PCDHGA5: variants seen among roughly 807,000 people sequenced by gnomAD.
PCDHGA5 encodes protocadherin gamma-A5.
In PCDHGA5, 36 loss-of-function variants were observed where a neutral mutation model predicts 56.7. The observed-to-expected ratio is 0.64, with a 90% CI of 0.49 to 0.84. The LOEUF (loss-of-function observed/expected upper bound fraction) is 0.84, where lower values mean the gene tolerates loss of function less well. Among genes scored for constraint, PCDHGA5 ranks in the 40% least tolerant of loss-of-function variants. The probability of loss-of-function intolerance (pLI) is 0.00; values close to 1 mark genes in which losing one functional copy is unlikely to be tolerated. For missense variants in PCDHGA5, 1,305 were observed against 1,201.5 expected (o/e 1.09, Z -1.27); for synonymous variants, 563 against 520.2 (o/e 1.08, Z -1.12).
chr5:141,370,717 T>C, intron 1 of PCDHGA5: 4 of 1,613,822 alleles, frequency 2.5e-6, no homozygotes, highest in Non-Finnish European at 3.4e-6. Flanking sequence ...GAATTTGAAA[T>C]GGTTGCTGAA....
At position 141,486,778 on chromosome 5, in the gene PCDHGA5, G is replaced by A. The variant is rs750169906; in HGVS notation, c.2422-8029G>A. The A allele has an allele frequency of 1.2e-6, 2 of 1,614,104 alleles. No individual in the cohort carries two copies. Among genetic ancestry groups the A allele is most frequent in the Admixed American group, 1.7e-5 (1 of 60,006 alleles). ...AAACCCAGACACTGCAGTTTGAGGT[G>A]CAGGCCCGGGATCGGGGCAACCCAC... is the stretch of plus-strand genomic sequence containing the variant. On this transcript the variant is annotated intron_variant, in intron 1 of 3. Coordinates refer to ENST00000518069, the MANE Select transcript of PCDHGA5 (RefSeq NM_018918.3). This position sits in a 1 kb window ranked among gnomAD's most constrained non-coding sequence, Gnocchi z 5.0.
chr5:141,419,705 C>A, intron 1 of PCDHGA5: 1 of 1,613,038 alleles, frequency 6.2e-7, no homozygotes, highest in South Asian at 1.1e-5. Flanking sequence ...TGAGCCCGGG[C>A]TCTTCAGCCT....
intron 1 of PCDHGA5, chr5:141,370,671 G>T (rs1767112872): frequency 2.5e-6 from 4 of 1,613,888 alleles, no homozygotes; most frequent in Non-Finnish European, 3.4e-6. Context: ...TATAGACCGA[G>T]AGGAGATTTG....
chr5:141,472,850 G>A (rs1230517294), intron 1 of PCDHGA5, among the ~76,000 whole-genome samples: 1 of 151,876 alleles, frequency 6.6e-6, no homozygotes, highest in Admixed American at 6.6e-5. Flanking sequence ...GCTGGGCATG[G>A]TGGCACATGC....
In PCDHGA5 at chr5:141,487,598, C is replaced by T. The variant is rs1450685717; in HGVS notation, c.2422-7209C>T. 6.2e-7 allele frequency: 1 copy of T among 1,614,210 alleles called. No homozygotes were observed. The highest frequency in any genetic ancestry group is 8.5e-7 in the Non-Finnish European group (1 of 1,180,046). ...TCGCCCAAGCTGCCCACCCTCTGAT[C>T]TTCTCTATGGGCTAGAGGTGAGACC... is the stretch of plus-strand genomic sequence containing the variant. On this transcript the variant is annotated intron_variant, in intron 1 of 3. Transcript: ENST00000518069. The surrounding 1 kb of genome is among the most constrained non-coding windows in gnomAD (Gnocchi z 5.0).
intron 1 of PCDHGA5, chr5:141,410,849 CTTTTTTTTTTTTTT>C (rs759346998): frequency 7.7e-6 from 1 of 129,786 alleles, no homozygotes; most frequent in African/African-American, 6.0e-5. Context: ...TTGTCTTTGT[CTTTTTTTTTTTTTT>C]TTTTTTTTGA....
intron 1 of PCDHGA5, among the ~76,000 whole-genome samples, chr5:141,452,648 GCTCCATCCACTGCA>G (rs2098746292): frequency 6.6e-6 from 1 of 151,930 alleles, no homozygotes; most frequent in African/African-American, 2.4e-5. Flanking sequence ...TTACTCATTT[GCTCCATCCACTGCA>G]CTCCAGCCTA....
In PCDHGA5 at chr5:141,488,647, T is replaced by TG. The variant is rs535492979; in HGVS notation, c.2422-6155dup. ...CTCACCTTAGCAGCATTCAGCAGGA[T>TG]GGGGGAGGGTGGGGGAATACATGGG... On this transcript the variant is annotated intron_variant, in intron 1 of 3. Transcript: ENST00000518069. Among the ~76,000 whole-genome samples, 173 of 152,088 alleles carry TG rather than the reference T, an allele frequency of 1.1e-3. 1 individual carries two copies. Among genetic ancestry groups the TG allele is most frequent in the African/African-American group, 3.9e-3 (160 of 41,492 alleles).
At chr5:141,397,978 C>G in intron 1 of PCDHGA5, 1 of 1,261,722 alleles carries the variant, frequency 7.9e-7, no homozygotes, top group Non-Finnish European at 1.1e-6. Flanking sequence ...CAGCGCCGGC[C>G]TTTACACCGC....
intron 1 of PCDHGA5, chr5:141,427,726 T>C: frequency 8.7e-7 from 1 of 1,155,152 alleles, no homozygotes; most frequent in Non-Finnish European, 1.3e-6. Context: ...GACCTAGGGC[T>C]GAATGGCCAA....
Position 141,366,561 on chromosome 5 carries a change from A to T in PCDHGA5, c.2231A>T (p.Asp744Val). The change falls in exon 1 of 4, where the codon GAT becomes GTT. Residue 744 changes from aspartate to valine, a missense_variant. By Grantham distance (152) the Asp-to-Val change is radical (BLOSUM62 -3). Coordinates refer to ENST00000518069, the MANE Select transcript of PCDHGA5 (RefSeq NM_018918.3). ...CCCGCCTCGCACTTTGTGGGCGTGG[A>T]TGGGGTTCGGGCTTTCCTGCAGACC... ...GVPASHFVGV[D>V]GVRAFLQTYS... 1 of 1,614,210 alleles carries T rather than the reference A, an allele frequency of 6.2e-7. No homozygotes were observed. Among genetic ancestry groups the T allele is most frequent in the South Asian group, 1.1e-5 (1 of 91,086 alleles).
chr5:141,423,996 A>G (rs1164307988), intron 1 of PCDHGA5: 1 of 1,079,028 alleles, frequency 9.3e-7, no homozygotes, highest in African/African-American at 1.7e-5. Context: ...AATTTATTAT[A>G]TATAGATACA....
At chr5:141,412,434 A>C (rs2095556498) in intron 1 of PCDHGA5, 1 of 152,240 alleles carries the variant, frequency 6.6e-6, no homozygotes, top group Admixed American at 6.5e-5. Flanking sequence ...CAAAAAGGTT[A>C]ATTAAGGCTC....
chr5:141,365,023 G>C lies in PCDHGA5; in HGVS notation c.693G>C (p.Thr231=), dbSNP rs775697621. The C allele has an allele frequency of 6.8e-6, 11 of 1,613,854 alleles. No individual in the cohort carries two copies. The highest frequency in any genetic ancestry group is 9.3e-6 in the Non-Finnish European group (11 of 1,179,888). Reference sequence around the variant, plus strand: ...CCGGCACCACGCACATCCGTGTTACGGTCCTCGACGCAAACGACAATGCGC... The same window carrying C: ...CCGGCACCACGCACATCCGTGTTACCGTCCTCGACGCAAACGACAATGCGC... ...VLSGTTHIRV[T]VLDANDNAPL... is the part of the protein sequence containing the mutation. The change falls in exon 1 of 4, where the codon ACG becomes ACC. Residue 231 remains threonine, a synonymous_variant. Coordinates refer to ENST00000518069, the MANE Select transcript of PCDHGA5 (RefSeq NM_018918.3).
Position 141,490,019 on chromosome 5 carries a change from T to C in PCDHGA5, c.2422-4788T>C. 2 of 1,614,272 alleles carry C rather than the reference T, an allele frequency of 1.2e-6. No homozygotes were observed. Among genetic ancestry groups the C allele is most frequent in the East Asian group, 2.2e-5 (1 of 44,886 alleles). ...CCAGAGAATGCACCCATTGGTACTCTGCTGCTCCGCCTCAATGCCACTGAT... is the reference window on the plus strand; with the variant it reads ...CCAGAGAATGCACCCATTGGTACTCCGCTGCTCCGCCTCAATGCCACTGAT... On this transcript the variant is annotated intron_variant, in intron 1 of 3. Coordinates refer to ENST00000518069, the MANE Select transcript of PCDHGA5 (RefSeq NM_018918.3). This position sits in a 1 kb window ranked among gnomAD's most constrained non-coding sequence, Gnocchi z 5.4.
chr5:141,442,343 G>C (rs1300318674), intron 1 of PCDHGA5: 1 of 152,336 alleles, frequency 6.6e-6, no homozygotes, highest in Non-Finnish European at 1.5e-5. Flanking sequence ...CAGGTTTCTG[G>C]GTAACTGTAG....
chr5:141,496,993 C>G (rs981547671), intron 2 of PCDHGA5, among the ~76,000 whole-genome samples: 1 of 151,910 alleles, frequency 6.6e-6, no homozygotes, highest in South Asian at 2.1e-4. Flanking sequence ...TGAGACCAGC[C>G]TGGCAGCCAA....
At chr5:141,459,427 G>A (rs1489214494) in intron 1 of PCDHGA5, among the ~76,000 whole-genome samples, 2 of 152,228 alleles carry the variant, frequency 1.3e-5, no homozygotes, top group Non-Finnish European at 2.9e-5. Flanking sequence ...ATATCACAAT[G>A]TGTTCATTCA....
intron 1 of PCDHGA5, among the ~76,000 whole-genome samples, chr5:141,482,771 A>ACCTAAAATCTCAAACAC (rs1168136626): frequency 4.9e-5 from 7 of 141,414 alleles, no homozygotes; most frequent in African/African-American, 8.5e-5. Flanking sequence ...ATTATCACTG[A>ACCTAAAATCTCAAACAC]ACCTTAAACT....
Sources: gnomAD v4.1 joint callset for allele counts (sites outside exome capture counted in the v4.1 genomes callset) on GRCh38, gnomAD v4.1.1 for gene constraint, Gnocchi (gnomAD v3.1) non-coding constraint, MANE v1.5 for transcripts, NCBI Gene and HGNC (gene_info 2026-07-23, HGNC 2026-07-21) for gene names.